UVRAG: variants seen among roughly 807,000 people sequenced by gnomAD.
UVRAG encodes the protein UV radiation resistance-associated gene protein.
UVRAG carries 19 observed loss-of-function variants against 78.0 expected under a neutral mutation model. The ratio of observed to expected loss-of-function variants is 0.24; its 90% confidence interval spans 0.17 to 0.36. UVRAG has a LOEUF of 0.36. UVRAG is among the 10% of genes least tolerant of loss of function. The pLI is 1.00. For synonymous variants in UVRAG, 323 were observed against 324.6 expected (o/e 1.00, Z 0.05); for missense variants, 740 against 853.8 (o/e 0.87, Z 1.66).
At chr11:76,061,945 C>G (rs1019548443) in intron 12 of UVRAG, among the ~76,000 whole-genome samples, 1 of 152,184 alleles carries the variant, frequency 6.6e-6, no homozygotes, top group African/African-American at 2.4e-5. Flanking sequence ...CTGTGTTAGT[C>G]TCTCAAGCTA....
intron 14 of UVRAG, among the ~76,000 whole-genome samples, chr11:76,116,603 G>A (rs980449810): frequency 6.6e-6 from 1 of 152,196 alleles, no homozygotes; most frequent in Non-Finnish European, 1.5e-5. Context: ...AAGTCTGATA[G>A]AAAGAAGACA....
intron 6 of UVRAG, among the ~76,000 whole-genome samples, chr11:75,928,167 A>G (rs1948154605): frequency 2.0e-5 from 3 of 152,172 alleles, no homozygotes; most frequent in Admixed American, 1.3e-4. Context: ...AACCCACCAC[A>G]GCTGTGATCC....
At chr11:76,071,065 G>A (rs976226168) in intron 13 of UVRAG, among the ~76,000 whole-genome samples, 13 of 152,182 alleles carry the variant, frequency 8.5e-5, no homozygotes, top group African/African-American at 2.9e-4. Context: ...AAAAGAAAAA[G>A]AAAGATCCCT....
At chr11:75,931,817 G>GCTAT (rs1276446557) in intron 6 of UVRAG, among the ~76,000 whole-genome samples, 18 of 151,974 alleles carry the variant, frequency 1.2e-4, no homozygotes, top group Admixed American at 1.1e-3. Flanking sequence ...GTTTTTGTTA[G>GCTAT]CTATCTCATT....
intron 6 of UVRAG, among the ~76,000 whole-genome samples, chr11:75,922,148 A>G (rs919801230): frequency 4.6e-5 from 7 of 152,096 alleles, no homozygotes; most frequent in African/African-American, 1.4e-4. Context: ...TTTGGGAAAG[A>G]TGTCATTTTA....
At chr11:75,971,317 G>A (rs1050780625) in intron 7 of UVRAG, among the ~76,000 whole-genome samples, 1 of 152,176 alleles carries the variant, frequency 6.6e-6, no homozygotes, top group Non-Finnish European at 1.5e-5. Flanking sequence ...TTTGTGTGTA[G>A]GTTTTTGTGT....
chr11:76,016,782 T>G, intron 11 of UVRAG, 33 bp from the exon 12 acceptor site: 1 of 1,562,496 alleles, frequency 6.4e-7, no homozygotes, highest in Non-Finnish European at 8.7e-7. Context: ...AGGTAAATAG[T>G]TATTTTCTTT....
chr11:75,968,113 T>C (rs1949059567), intron 7 of UVRAG, among the ~76,000 whole-genome samples: 1 of 152,238 alleles, frequency 6.6e-6, no homozygotes, highest in Non-Finnish European at 1.5e-5. Context: ...TTTCAGATTT[T>C]GTAGCATTTT....
chr11:76,009,124 C>T (rs1371801815), intron 11 of UVRAG, among the ~76,000 whole-genome samples: 1 of 152,088 alleles, frequency 6.6e-6, no homozygotes, highest in South Asian at 2.1e-4. Context: ...ATTAGACAGT[C>T]AGGTTCTTAA....
rs199534308 is a variant in UVRAG, at chr11:76,060,235, C to T, written c.1227-5475C>T. ...GAATTAGTAAAAAAGAAAAATCCTG[C>T]TCAGACTCAGCCTGTACATAGGAAT... On this transcript the variant is annotated intron_variant, in intron 12 of 14. Transcript: ENST00000356136. Among the ~76,000 whole-genome samples the T allele has an allele frequency of 1.2e-4, 19 of 152,280 alleles. No homozygotes were observed. The East Asian group carries it at 3.7e-3, about 29-fold the overall frequency.
At chr11:75,878,150 G>A (rs1329706172) in intron 3 of UVRAG, among the ~76,000 whole-genome samples, 1 of 151,296 alleles carries the variant, frequency 6.6e-6, no homozygotes, top group South Asian at 2.1e-4. Flanking sequence ...CAGATGGGGC[G>A]GCTGGGCAGA....
chr11:76,105,396 C>A (rs994291043), intron 13 of UVRAG, among the ~76,000 whole-genome samples: 1 of 151,792 alleles, frequency 6.6e-6, no homozygotes, highest in African/African-American at 2.4e-5. Context: ...CAAAGCAATA[C>A]CTTGTCTTAA....
At chr11:75,824,196 A>G (rs1379969345) in intron 1 of UVRAG, among the ~76,000 whole-genome samples, 1 of 152,194 alleles carries the variant, frequency 6.6e-6, no homozygotes, top group African/African-American at 2.4e-5. Context: ...TCGAAGAAAA[A>G]ATGTAATATA....
intron 13 of UVRAG, among the ~76,000 whole-genome samples, chr11:76,109,842 A>G (rs1952040417): frequency 6.6e-6 from 1 of 152,196 alleles, no homozygotes; most frequent in Non-Finnish European, 1.5e-5. Context: ...AAGTTTGCCC[A>G]AGCAAGGAAG....
intron 11 of UVRAG, among the ~76,000 whole-genome samples, chr11:76,015,391 A>G (rs1428563383): frequency 6.6e-6 from 1 of 152,152 alleles, no homozygotes; most frequent in Non-Finnish European, 1.5e-5. Flanking sequence ...GAGACAGTAC[A>G]GTAGACTGGT....
chr11:76,032,555 A>G (rs1950454945), intron 12 of UVRAG, among the ~76,000 whole-genome samples: 1 of 152,218 alleles, frequency 6.6e-6, no homozygotes, highest in African/African-American at 2.4e-5. Flanking sequence ...ACAAGATGCT[A>G]GAATTAGGTA....
chr11:76,042,158 C>T (rs903882016), intron 12 of UVRAG, among the ~76,000 whole-genome samples: 4 of 152,116 alleles, frequency 2.6e-5, no homozygotes, highest in African/African-American at 7.2e-5. Context: ...CCTAAATCCC[C>T]TTTAGTAAGG....
intron 6 of UVRAG, among the ~76,000 whole-genome samples, chr11:75,945,139 G>A (rs1428513582): frequency 1.3e-5 from 2 of 152,060 alleles, no homozygotes; most frequent in Admixed American, 6.6e-5. Flanking sequence ...ATATTGCATA[G>A]CATCTGAGAA....
At chr11:75,912,972 GCTTGAGAGATGCCTACAC>G (rs1241557477) in intron 6 of UVRAG, among the ~76,000 whole-genome samples, 1 of 152,144 alleles carries the variant, frequency 6.6e-6, no homozygotes, top group East Asian at 1.9e-4. Flanking sequence ...TTTGGTTCTT[GCTTGAGAGATGCCTACAC>G]CTTGACTGCT....
Sources: allele counts gnomAD v4.1 joint callset (sites outside exome capture counted in the v4.1 genomes callset), GRCh38; gene constraint gnomAD v4.1.1; transcripts MANE v1.5; gene names NCBI Gene and HGNC (gene_info 2026-07-23, HGNC 2026-07-21).